PACS1: variants seen among roughly 807,000 people sequenced by gnomAD.
The protein encoded by PACS1 is PACS-1.
PACS1 carries 24 observed loss-of-function variants against 115.0 expected under a neutral mutation model. The ratio of observed to expected loss-of-function variants is 0.21; its 90% CI spans 0.15 to 0.29. PACS1 has a LOEUF of 0.29. Ranked by LOEUF, PACS1 falls within the 10% of genes least tolerant of loss-of-function variation. The pLI is 1.00. For missense variants in PACS1, 838 were observed against 1,251.2 expected (o/e 0.67, Z 4.98); for synonymous variants, 453 against 504.5 (o/e 0.90, Z 1.37).
chr11:66,224,195 CAAA>C (rs71036281), intron 10 of PACS1, among the ~76,000 whole-genome samples: 4 of 81,348 alleles, frequency 4.9e-5, no homozygotes, highest in African/African-American at 1.6e-4. Context: ...GACTCCATCT[CAAA>C]AAAAAAAAAA....
intron 10 of PACS1, among the ~76,000 whole-genome samples, chr11:66,222,480 C>T (rs1435708132): frequency 2.6e-5 from 4 of 152,116 alleles, no homozygotes; most frequent in Non-Finnish European, 4.4e-5. Context: ...TGGGTGTGAG[C>T]CTGAAGTGAC....
chr11:66,086,199 G>T lies in PACS1; in HGVS notation c.356+15357G>T, dbSNP rs1356793080. Among the ~76,000 whole-genome samples the T allele has an allele frequency of 6.1e-5, 9 of 148,584 alleles. No homozygotes were observed. In the South Asian group the frequency reaches 1.7e-3, roughly 28 times the overall value. ...GTCGCCCAGGCTGGAGTGCAGTGGCGCGATCTCGGCTCACTGCAGGCTCCG... is the reference window on the plus strand; with the variant it reads ...GTCGCCCAGGCTGGAGTGCAGTGGCTCGATCTCGGCTCACTGCAGGCTCCG... On this transcript the variant is annotated intron_variant, in intron 1 of 23. Transcript: ENST00000320580.
intron 1 of PACS1, among the ~76,000 whole-genome samples, chr11:66,099,836 AT>A (rs141216363): frequency 0.04 from 6,045 of 151,990 alleles, 132 homozygotes; most frequent in South Asian, 0.071. Context: ...ATGAGCCACC[AT>A]GCCTGGCCTA....
At position 66,211,115 on chromosome 11, in the gene PACS1, T is replaced by A. The variant is rs1301666148; in HGVS notation, c.535-19T>A. 1 of 1,612,690 alleles carries A rather than the reference T, an allele frequency of 6.2e-7. No homozygotes were observed. Among genetic ancestry groups the A allele is most frequent in the Non-Finnish European group, 8.5e-7 (1 of 1,179,152 alleles). On this transcript the variant is annotated intron_variant, in intron 3 of 23. Transcript: ENST00000320580. ...CAGCTGCCCATTAACCACGCTCGACTCTGTTTTGTATTTCGTAGTACCCTC... is the reference window on the plus strand; with the variant it reads ...CAGCTGCCCATTAACCACGCTCGACACTGTTTTGTATTTCGTAGTACCCTC...
chr11:66,070,562 G>A lies in PACS1; in HGVS notation c.76G>A (p.Ala26Thr). 1.4e-6 allele frequency: 2 copies of A among 1,463,900 alleles called. No individual in the cohort carries two copies. Among genetic ancestry groups the A allele is most frequent in the Admixed American group, 4.8e-5 (2 of 41,244 alleles). The allele number at this position is 1,463,900 out of a possible 1,614,324, so 90.7% of individuals were successfully genotyped here. Residue 26 changes from alanine (A) to threonine (T), a missense_variant, in exon 1 of 24, where the codon GCC (alanine) becomes ACC (threonine). Physicochemically the swap from Ala to Thr is moderately conservative, Grantham distance 58 (BLOSUM62 0). This residue lies in a region of PACS1 where 129 missense variants were observed against 109.4 expected (regional missense o/e 1.18). Coordinates refer to ENST00000320580, the MANE Select transcript of PACS1 (RefSeq NM_018026.4). This position sits in a 1 kb window ranked among gnomAD's most constrained non-coding sequence, Gnocchi z 5.9. Reference protein sequence around the residue: ...GGSGQRGSGVAQSPQQPPPQQ... With the variant: ...GGSGQRGSGVTQSPQQPPPQQ... The stretch of plus-strand genomic sequence containing the variant: ...CAGCGGCCAGCGGGGATCCGGGGTC[G>A]CCCAGTCCCCTCAGCAGCCGCCGCC...
intron 10 of PACS1, chr11:66,221,722 T>G (rs1855353326): frequency 6.2e-6 from 1 of 160,856 alleles, no homozygotes; most frequent in South Asian, 1.6e-4. Flanking sequence ...TCAGTCTGGC[T>G]GGGAGCTTAG....
chr11:66,228,820 A>G (rs948334046), intron 11 of PACS1, among the ~76,000 whole-genome samples: 3 of 152,208 alleles, frequency 2.0e-5, no homozygotes, highest in Non-Finnish European at 4.4e-5. Context: ...ACCTGGGGGC[A>G]TATTTGCATA....
chr11:66,139,935 A>G (rs953429638), intron 1 of PACS1, among the ~76,000 whole-genome samples: 2 of 152,176 alleles, frequency 1.3e-5, no homozygotes, highest in African/African-American at 4.8e-5. Flanking sequence ...ACTGTTCTCC[A>G]TAGTGGTTGT....
At chr11:66,100,904 T>A (rs1176085775) in intron 1 of PACS1, 1 of 456,218 alleles carries the variant, frequency 2.2e-6, no homozygotes, top group South Asian at 1.5e-5. Flanking sequence ...AGGGCAGGCA[T>A]CACACAAGCA....
rs895199417 is a variant in PACS1, at chr11:66,162,596, C to T, written c.357-30890C>T. Among the ~76,000 whole-genome samples, 16 of 152,300 alleles carry T rather than the reference C, an allele frequency of 1.1e-4. No homozygotes were observed. The East Asian group carries it at 1.5e-3, about 15-fold the overall frequency. On this transcript the variant is annotated intron_variant, in intron 1 of 23. Transcript: ENST00000320580. ...ATGCTCCCTTAGAGCCTTTACAGGC[C>T]GCACAGCCCTGCCTACACCTTGGTG...
intron 1 of PACS1, among the ~76,000 whole-genome samples, chr11:66,146,304 T>C (rs1304327445): frequency 6.6e-6 from 1 of 152,178 alleles, no homozygotes; most frequent in Non-Finnish European, 1.5e-5. Flanking sequence ...ATGTCATGTT[T>C]AAATATTTAA....
chr11:66,097,768 A>C (rs1434148573), intron 1 of PACS1, among the ~76,000 whole-genome samples: 1 of 152,238 alleles, frequency 6.6e-6, no homozygotes, highest in Non-Finnish European at 1.5e-5. Flanking sequence ...GTTAGTGGGC[A>C]TGAAATGGAA....
intron 10 of PACS1, among the ~76,000 whole-genome samples, chr11:66,225,718 G>A (rs374050087): frequency 3.9e-5 from 6 of 152,190 alleles, no homozygotes; most frequent in African/African-American, 9.6e-5. Context: ...ACAACAAGGC[G>A]TGCTACTTCA....
At position 66,210,343 on chromosome 11, in the gene PACS1, CT is replaced by C. The variant is rs759297003; in HGVS notation, c.445-15del. ...AAGCCACTGCACCTGGCCAAACAGA[CT>C]TTTCTTCTTGGTTTCAGGGTTCAAA... On this transcript the variant is annotated intron_variant, in intron 2 of 23. Coordinates refer to ENST00000320580, the MANE Select transcript of PACS1 (RefSeq NM_018026.4). 5.0e-6 allele frequency: 8 copies of C among 1,606,822 alleles called. No homozygotes were observed. The South Asian group carries it at 8.8e-5, about 18-fold the overall frequency.
At chr11:66,143,031 G>A (rs1859034092) in intron 1 of PACS1, among the ~76,000 whole-genome samples, 1 of 151,830 alleles carries the variant, frequency 6.6e-6, no homozygotes, top group African/African-American at 2.4e-5. Flanking sequence ...TATCTAGGAG[G>A]GACAGTGAAA....
intron 1 of PACS1, among the ~76,000 whole-genome samples, chr11:66,147,761 G>T (rs1859159622): frequency 2.0e-5 from 3 of 152,034 alleles, no homozygotes; most frequent in African/African-American, 7.2e-5. Flanking sequence ...GGTACAAAAA[G>T]AAAGAATGAA....
intron 1 of PACS1, among the ~76,000 whole-genome samples, chr11:66,172,184 ATCT>A (rs1223515594): frequency 3.3e-5 from 5 of 151,918 alleles, no homozygotes; most frequent in Non-Finnish European, 7.4e-5. Context: ...TCTATCCTTG[ATCT>A]TCTTTCTGGG....
At chr11:66,108,786 G>GAAGAGAGAGA (rs1474643026) in intron 1 of PACS1, among the ~76,000 whole-genome samples, 6 of 151,882 alleles carry the variant, frequency 4.0e-5, no homozygotes, top group Non-Finnish European at 7.4e-5. Context: ...GAGAAAGAGA[G>GAAGAGAGAGA]AAGAGAGAGA....
At position 66,071,216 on chromosome 11, in the gene PACS1, ATAT is replaced by A. The variant is rs531940251; in HGVS notation, c.356+382_356+384del. ...ACATGGATGTGGTATAGATCTCTTG[ATAT>A]TATTATTTCCCAATAGACTCAGCAT... On this transcript the variant is annotated intron_variant, in intron 1 of 23. Transcript: ENST00000320580. Among the ~76,000 whole-genome samples the A allele has an allele frequency of 1.8e-3, 279 of 152,154 alleles. 2 individuals are homozygous for A. The highest frequency in any genetic ancestry group is 6.5e-3 in the African/African-American group (269 of 41,498).
Sources: gnomAD v4.1 joint callset for allele counts (sites outside exome capture counted in the v4.1 genomes callset) on GRCh38, gnomAD v4.1.1 for gene constraint, gnomAD v4.1.1 regional missense constraint, Gnocchi (gnomAD v3.1) non-coding constraint, MANE v1.5 for transcripts, NCBI Gene and HGNC (gene_info 2026-07-23, HGNC 2026-07-21) for gene names.